The following ATP12A variants were observed in gnomAD, a reference collection of about 807,000 sequenced individuals.
The protein encoded by ATP12A is potassium-transporting ATPase alpha chain 2.
Under a neutral mutation model 111.2 loss-of-function variants are expected in ATP12A, and 81 were observed. The ratio of observed to expected loss-of-function variants is 0.73; its 90% CI spans 0.61 to 0.88. The LOEUF (loss-of-function observed/expected upper bound fraction) is 0.88, where lower values mean the gene tolerates loss of function less well. Ranked by LOEUF, ATP12A falls within the 40% of genes least tolerant of loss-of-function variation. The pLI is 0.00. For missense variants in ATP12A, 1,196 were observed against 1,313.1 expected (o/e 0.91, Z 1.38); for synonymous variants, 498 against 499.8 (o/e 1.00, Z 0.05).
chr13:24,696,718 CAA>C (rs1199522203), intron 11 of ATP12A, among the ~76,000 whole-genome samples: 1 of 33,036 alleles, frequency 3.0e-5, no homozygotes, highest in Admixed American at 7.6e-4. Context: ...GACTCCGTCT[CAA>C]AAAAAAAAAA....
chr13:24,691,604 G>A lies in ATP12A; in HGVS notation c.1068+354G>A, dbSNP rs140941426. Among the ~76,000 whole-genome samples, 1,236 of 151,902 alleles carry A rather than the reference G, an allele frequency of 8.1e-3. 5 individuals are homozygous for A. The highest frequency in any genetic ancestry group is 0.015 in the Non-Finnish European group (990 of 67,982). On this transcript the variant is annotated intron_variant, in intron 8 of 22. Transcript: ENST00000381946. ...GCAGTTTCTACAACTTAGGCATTTA[G>A]GCACATTGCCACACTCCACTTACCT...
chr13:24,680,693 G>A lies in ATP12A; in HGVS notation c.-51G>A. The A allele has an allele frequency of 6.7e-7, 1 of 1,500,218 alleles. No individual in the cohort carries two copies. The highest frequency in any genetic ancestry group is 1.2e-5 in the South Asian group (1 of 81,014). The allele number at this position is 1,500,218 out of a possible 1,614,324, so 92.9% of individuals were successfully genotyped here. ...CCCCCACCGTGCGCTCCGCCGCTGC[G>A]GTCCCGGATCCGCGCTCCACGCCCG... On this transcript the variant is annotated 5_prime_UTR_variant, in exon 1 of 23. Transcript: ENST00000381946.
Position 24,710,610 on chromosome 13 carries a change from G to C in ATP12A, c.2897+17G>C. The C allele has an allele frequency of 6.2e-7, 1 of 1,613,862 alleles. No individual in the cohort carries two copies. Among genetic ancestry groups the C allele is most frequent in the South Asian group, 1.1e-5 (1 of 91,038 alleles). ...TCTCTTCAGGTACTGCCTGTGCCCG[G>C]CCTCCTGGGGCAGCCCTGGGCCTGC... is the stretch of plus-strand genomic sequence containing the variant. On this transcript the variant is annotated intron_variant, in intron 20 of 22. Coordinates refer to ENST00000381946, the MANE Select transcript of ATP12A (RefSeq NM_001676.7).
chr13:24,711,227 A>G, intron 21 of ATP12A, 91 bp from the exon 22 acceptor site: 1 of 1,224,952 alleles, frequency 8.2e-7, no homozygotes, highest in South Asian at 1.4e-5. Flanking sequence ...GTAAAGCAAG[A>G]CAAATGAACG....
Position 24,709,723 on chromosome 13 carries a change from C to T in ATP12A, c.2658C>T (p.Thr886=), listed in dbSNP as rs150058962. The change falls in exon 19 of 23, where the codon ACC becomes ACT. Residue 886 remains threonine, a synonymous_variant. Transcript: ENST00000381946. The part of the protein sequence containing the change: ...QALGAFLVYF[T]VYAQEGFLPR... ...TGGGAGCTTTCCTTGTGTATTTCAC[C>T]GTCTATGCACAAGAGGGCTTTCTGC... The T allele has an allele frequency of 3.3e-5, 53 of 1,614,066 alleles. No individual in the cohort carries two copies. The highest frequency in any genetic ancestry group is 4.3e-5 in the Non-Finnish European group (51 of 1,180,038).
At chr13:24,684,203 G>C (rs1051362674) in intron 2 of ATP12A, among the ~76,000 whole-genome samples, 1 of 152,142 alleles carries the variant, frequency 6.6e-6, no homozygotes, top group Non-Finnish European at 1.5e-5. Context: ...GCAGAACACA[G>C]CCTTAATCTT....
chr13:24,698,420 G>A (rs773385173), intron 11 of ATP12A, among the ~76,000 whole-genome samples: 1 of 152,076 alleles, frequency 6.6e-6, no homozygotes, highest in Non-Finnish European at 1.5e-5. Context: ...CAACTAGCCT[G>A]CCTAAAGCAG....
chr13:24,701,657 G>A (rs1875402599), intron 13 of ATP12A, among the ~76,000 whole-genome samples: 1 of 152,228 alleles, frequency 6.6e-6, no homozygotes, highest in Admixed American at 6.5e-5. Context: ...CTACCCCCAA[G>A]TAGACACTCA....
chr13:24,705,438 G>A lies in ATP12A; in HGVS notation c.2019-875G>A, dbSNP rs547160783. On this transcript the variant is annotated intron_variant, in intron 14 of 22. Coordinates refer to ENST00000381946, the MANE Select transcript of ATP12A (RefSeq NM_001676.7). ...AAAGCCCCTGAAGAGTTTTAGCAGG[G>A]GACTGGCTCAGGCAGCTCTGCATAA... Among the ~76,000 whole-genome samples the A allele has an allele frequency of 1.7e-4, 26 of 152,262 alleles. No homozygotes were observed. The East Asian group carries it at 4.8e-3, about 28-fold the overall frequency.
chr13:24,708,188 G>A (rs958752062), intron 17 of ATP12A, among the ~76,000 whole-genome samples: 1 of 152,176 alleles, frequency 6.6e-6, no homozygotes, highest in African/African-American at 2.4e-5. Flanking sequence ...AGAAGTAGCA[G>A]TTATGAAGAC....
chr13:24,700,035 T>C (rs746500), intron 12 of ATP12A, among the ~76,000 whole-genome samples: 34,870 of 152,114 alleles, frequency 0.23, 5,263 homozygotes, highest in African/African-American at 0.43. Flanking sequence ...GCCTGCTCCA[T>C]TGACATTTGC....
At chr13:24,696,998 A>G (rs1331413996) in intron 11 of ATP12A, among the ~76,000 whole-genome samples, 1 of 152,248 alleles carries the variant, frequency 6.6e-6, no homozygotes, top group East Asian at 1.9e-4. Flanking sequence ...GGCAAATTGG[A>G]AAATGTTTTA....
intron 19 of ATP12A, 103 bp from the exon 20 acceptor site, chr13:24,710,357 G>T: frequency 7.1e-7 from 1 of 1,417,798 alleles, no homozygotes. Context: ...TCTCAGTCCG[G>T]GTGAGGTGTG....
chr13:24,689,431 C>T, intron 5 of ATP12A, 56 bp downstream of exon 5: 2 of 1,497,380 alleles, frequency 1.3e-6, no homozygotes, highest in Non-Finnish European at 1.9e-6. Flanking sequence ...GAGGAAGCCT[C>T]AGCTGGGAGG....
intron 17 of ATP12A, among the ~76,000 whole-genome samples, chr13:24,708,608 G>A (rs1875769780): frequency 6.6e-6 from 1 of 152,076 alleles, no homozygotes; most frequent in Non-Finnish European, 1.5e-5. Context: ...CTGGGCACTG[G>A]TGGACACCTG....
At chr13:24,684,037 G>A (rs776456990) in intron 2 of ATP12A, among the ~76,000 whole-genome samples, 1 of 152,110 alleles carries the variant, frequency 6.6e-6, no homozygotes, top group Non-Finnish European at 1.5e-5. Context: ...GGCCAGCAGA[G>A]GGCACCCCAG....
intron 19 of ATP12A, 65 bp downstream of exon 19, chr13:24,709,893 A>T: frequency 6.3e-7 from 1 of 1,590,080 alleles, no homozygotes; most frequent in Non-Finnish European, 8.6e-7. Context: ...CCCTGCGCAG[A>T]ATTACATAGA....
At position 24,700,879 on chromosome 13, in the gene ATP12A, C is replaced by T. The variant is rs1875364801; in HGVS notation, c.1838C>T (p.Thr613Ile). 1 of 1,614,084 alleles carries T rather than the reference C, an allele frequency of 6.2e-7. No individual in the cohort carries two copies. The highest frequency in any genetic ancestry group is 8.5e-7 in the Non-Finnish European group (1 of 1,180,038). ...TCAATGATCGATCCCCCTCGGTCCA[C>T]CGTGCCAGATGCAGTCACCAAATGC... ...LLSMIDPPRSTVPDAVTKCRS... is the reference protein window; with the variant it reads ...LLSMIDPPRSIVPDAVTKCRS... The change falls in exon 13 of 23, where the codon ACC becomes ATC. Residue 613 changes from threonine (T) to isoleucine (I), a missense_variant. Thr to Ile is a moderately conservative substitution (Grantham distance 89). Transcript: ENST00000381946.
At position 24,692,740 on chromosome 13, in the gene ATP12A, C is replaced by T. The variant is rs201568944; in HGVS notation, c.1268-47C>T. ...GGATTGCTGGACAGTGACTCATGGA[C>T]GGCCAGCCCAACCCACAGCAGCCAC... On this transcript the variant is annotated intron_variant, in intron 9 of 22. Coordinates refer to ENST00000381946, the MANE Select transcript of ATP12A (RefSeq NM_001676.7). The T allele has an allele frequency of 9.8e-5, 157 of 1,601,958 alleles. No homozygotes were observed. The East Asian group carries it at 1.4e-3, about 14-fold the overall frequency.
Sources: allele counts gnomAD v4.1 joint callset (sites outside exome capture counted in the v4.1 genomes callset), GRCh38; gene constraint gnomAD v4.1.1; transcripts MANE v1.5; gene names NCBI Gene and HGNC (gene_info 2026-07-23, HGNC 2026-07-21).